PKHD1: variants seen among roughly 807,000 people sequenced by gnomAD.
PKHD1 encodes the protein fibrocystin.
Under a neutral mutation model 412.0 loss-of-function variants are expected in PKHD1, and 291 were observed. The ratio of observed to expected loss-of-function variants is 0.71; its 90% CI spans 0.64 to 0.78. The LOEUF (loss-of-function observed/expected upper bound fraction) is 0.78, where lower values mean the gene tolerates loss of function less well. Ranked by LOEUF, PKHD1 falls within the 30% of genes least tolerant of loss-of-function variation. PKHD1 has a pLI of 0.00. For missense variants in PKHD1, 4,825 were observed against 4,950.7 expected, an observed-to-expected ratio of 0.97 and a Z score of 0.76; for synonymous variants, 1,777 against 1,821.5, an observed-to-expected ratio of 0.98 and a Z score of 0.62.
At chr6:51,914,224 C>T (rs921589883) in intron 37 of PKHD1, among the ~76,000 whole-genome samples, 6 of 152,126 alleles carry the variant, frequency 3.9e-5, no homozygotes, top group Admixed American at 2.6e-4. Flanking sequence ...CAACTAGTTA[C>T]TCCTATAAAT....
chr6:52,021,406 T>C (rs1801373013), intron 33 of PKHD1, among the ~76,000 whole-genome samples: 1 of 152,240 alleles, frequency 6.6e-6, no homozygotes, highest in Admixed American at 6.5e-5. Flanking sequence ...TAAAAGTATA[T>C]TAATTTGAGC....
intron 60 of PKHD1, among the ~76,000 whole-genome samples, chr6:51,743,214 G>A (rs1417245126): frequency 2.0e-5 from 3 of 152,232 alleles, no homozygotes; most frequent in Non-Finnish European, 2.9e-5. Context: ...CCAGCAAGGA[G>A]GCTATTCCCT....
intron 33 of PKHD1, among the ~76,000 whole-genome samples, chr6:52,019,879 T>C (rs746383327): frequency 1.3e-5 from 2 of 152,228 alleles, no homozygotes; most frequent in Middle Eastern, 3.2e-3. Context: ...TTTGTGGGGA[T>C]GGTAAAAATG....
Position 52,050,212 on chromosome 6 carries a change from T to C in PKHD1, c.2224A>G (p.Ser742Gly). ...CACCCCGCCAGCCAGGAGGTGACAC[T>C]GTAGACCGGAGGGGATCCCACCACA... ...VSVVGSPPVY[S>G]VTSWLAGCGT... Residue 742 changes from serine (S) to glycine (G), a missense_variant, in exon 22 of 67, where the codon AGT becomes GGT. Coordinates refer to ENST00000371117, the MANE Select transcript of PKHD1 (RefSeq NM_138694.4). The C allele has an allele frequency of 6.2e-7, 1 of 1,614,188 alleles. No homozygotes were observed. Among genetic ancestry groups the C allele is most frequent in the Non-Finnish European group, 8.5e-7 (1 of 1,180,002 alleles).
intron 23 of PKHD1, 142 bp downstream of exon 23, chr6:52,048,350 A>T: frequency 1.1e-6 from 1 of 901,228 alleles, no homozygotes; most frequent in Non-Finnish European, 1.9e-6. Flanking sequence ...CACTTTAAGA[A>T]TGTCACTTTC....
intron 47 of PKHD1, among the ~76,000 whole-genome samples, chr6:51,870,248 G>A (rs968813503): frequency 6.6e-6 from 1 of 152,148 alleles, no homozygotes; most frequent in Non-Finnish European, 1.5e-5. Flanking sequence ...CCTTTATGAA[G>A]GTCAGAGTCC....
chr6:51,864,171 C>T (rs544378168), intron 48 of PKHD1, among the ~76,000 whole-genome samples: 1 of 152,150 alleles, frequency 6.6e-6, no homozygotes, highest in Admixed American at 6.6e-5. Context: ...GGCTAAGGGA[C>T]AGAATGCAGG....
intron 60 of PKHD1, among the ~76,000 whole-genome samples, chr6:51,728,539 T>TG (rs1276822219): frequency 6.6e-6 from 1 of 152,214 alleles, no homozygotes; most frequent in Non-Finnish European, 1.5e-5. Flanking sequence ...CCGGACTCTT[T>TG]GGCCGGTTAC....
At chr6:51,798,297 T>A (rs1357663183) in intron 52 of PKHD1, among the ~76,000 whole-genome samples, 1 of 152,088 alleles carries the variant, frequency 6.6e-6, no homozygotes, top group Non-Finnish European at 1.5e-5. Flanking sequence ...AAGAATTGCT[T>A]GAACCCAGGA....
intron 37 of PKHD1, among the ~76,000 whole-genome samples, chr6:51,921,626 C>A (rs1263750030): frequency 2.0e-5 from 3 of 152,132 alleles, no homozygotes; most frequent in Non-Finnish European, 2.9e-5. Flanking sequence ...TTGTTCATTT[C>A]TTTTAACTCT....
At chr6:51,675,969 A>G (rs1775772433) in intron 60 of PKHD1, among the ~76,000 whole-genome samples, 1 of 152,168 alleles carries the variant, frequency 6.6e-6, no homozygotes, top group Admixed American at 6.5e-5. Flanking sequence ...GTCATTCAGT[A>G]TGCTCTGTCC....
At chr6:51,881,383 T>G (rs1777319251) in intron 46 of PKHD1, among the ~76,000 whole-genome samples, 2 of 152,188 alleles carry the variant, frequency 1.3e-5, no homozygotes. Context: ...CAAAATTCCC[T>G]GACACAATAC....
chr6:52,025,641 C>T lies in PKHD1; in HGVS notation c.4169G>A (p.Arg1390Gln), dbSNP rs139063552. ...VVLQQFAVMP[R>Q]IMAIFPSQGS... ...CTGCGATGGGAAGATGGCCATTATCCGAGGCATCACTGCAAATTGCTGGAG... is the reference window on the plus strand; with the variant it reads ...CTGCGATGGGAAGATGGCCATTATCTGAGGCATCACTGCAAATTGCTGGAG... Residue 1390 changes from arginine (R) to glutamine (Q), a missense_variant, in exon 32 of 67, where the codon CGG (arginine) becomes CAG (glutamine). Coordinates refer to ENST00000371117, the MANE Select transcript of PKHD1 (RefSeq NM_138694.4). 74 of 1,614,050 alleles carry T rather than the reference C, an allele frequency of 4.6e-5. No individual in the cohort carries two copies. The highest frequency in any genetic ancestry group is 4.1e-4 in the African/African-American group (31 of 74,912).
Position 52,053,079 on chromosome 6 carries a change from T to A in PKHD1, c.2137A>T (p.Thr713Ser). The change falls in exon 21 of 67, where the codon ACA becomes TCA. Residue 713 changes from threonine to serine, a missense_variant. Coordinates refer to ENST00000371117, the MANE Select transcript of PKHD1 (RefSeq NM_138694.4). ...DEIIIADTNV[T>S]VSQADSGTAR... ...GGAGAGAGAATTTGATGATTACCTG[T>A]TACGTTTGTGTCTGCAATAATAATT... is the stretch of plus-strand genomic sequence containing the variant. 6.2e-7 allele frequency: 1 copy of A among 1,613,858 alleles called. No individual in the cohort carries two copies. The highest frequency in any genetic ancestry group is 1.3e-5 in the African/African-American group (1 of 74,998).
chr6:51,836,361 T>G (rs1562424467), intron 51 of PKHD1, 43 bp downstream of exon 51: 2 of 1,288,210 alleles, frequency 1.6e-6, no homozygotes, highest in African/African-American at 1.5e-5. Context: ...CTGGAGGACA[T>G]TCTGCCATAC....
At chr6:51,781,677 A>G (rs1244870039) in intron 53 of PKHD1, among the ~76,000 whole-genome samples, 1 of 152,086 alleles carries the variant, frequency 6.6e-6, no homozygotes, top group Non-Finnish European at 1.5e-5. Context: ...ACATGTTTTT[A>G]AAAAATGTTG....
intron 36 of PKHD1, among the ~76,000 whole-genome samples, chr6:51,941,768 T>C (rs1356718783): frequency 6.6e-6 from 1 of 151,592 alleles, no homozygotes; most frequent in Non-Finnish European, 1.5e-5. Context: ...CAAACATGCT[T>C]TCTTTACTAT....
intron 36 of PKHD1, among the ~76,000 whole-genome samples, chr6:51,938,853 C>T (rs571265619): frequency 6.6e-6 from 1 of 151,752 alleles, no homozygotes; most frequent in East Asian, 1.9e-4. Context: ...TTACTCTCTT[C>T]TCCAACCTCT....
chr6:52,001,647 G>C (rs1798412272), intron 35 of PKHD1, among the ~76,000 whole-genome samples: 1 of 151,944 alleles, frequency 6.6e-6, no homozygotes, highest in Non-Finnish European at 1.5e-5. Flanking sequence ...TAGCCAGGAT[G>C]GTCTCGATCT....
Sources: gnomAD v4.1 joint callset for allele counts (sites outside exome capture counted in the v4.1 genomes callset) on GRCh38, gnomAD v4.1.1 for gene constraint, MANE v1.5 for transcripts, NCBI Gene and HGNC (gene_info 2026-07-23, HGNC 2026-07-21) for gene names.